The following ARAP3 variants were observed in gnomAD, a reference collection of about 807,000 sequenced individuals.
The protein encoded by ARAP3 is arf-GAP with Rho-GAP domain, ANK repeat and PH domain-containing protein 3.
In ARAP3, 82 loss-of-function variants were observed where a neutral mutation model predicts 169.2. That is an observed-to-expected ratio of 0.48 (90% CI 0.41 to 0.58). The LOEUF is 0.58. ARAP3 is among the 20% of genes least tolerant of loss of function. The probability of loss-of-function intolerance (pLI) is 0.00; values close to 1 mark genes in which losing one functional copy is unlikely to be tolerated. For missense variants in ARAP3, 1,764 were observed against 2,018.0 expected (o/e 0.87, Z 2.41); for synonymous variants, 791 against 800.3 (o/e 0.99, Z 0.20).
At chr5:141,655,564 C>T in intron 31 of ARAP3, 57 bp downstream of exon 31, 2 of 1,601,912 alleles carry the variant, frequency 1.2e-6, no homozygotes, top group Non-Finnish European at 1.7e-6. Flanking sequence ...CTGCCTACTG[C>T]AATGTGACAA....
Position 141,666,706 on chromosome 5 carries a change from A to G in ARAP3, c.2353-63T>C, listed in dbSNP as rs988368582. ...GGGGAAGAGACAAGGAATAGGGGAG[A>G]GAAATGAGAGTGACCGGGGTAGCGA... On this transcript the variant is annotated intron_variant, in intron 16 of 32. Coordinates refer to ENST00000239440, the MANE Select transcript of ARAP3 (RefSeq NM_022481.6). 3.7e-6 allele frequency: 3 copies of G among 814,496 alleles called. No individual in the cohort carries two copies. The African/African-American group carries it at 5.3e-5, about 14-fold the overall frequency. The allele number at this position is 814,496 out of a possible 1,614,324, so 50.5% of individuals were successfully genotyped here. A position where few individuals can be genotyped will look rare whatever the true frequency, so the allele number is the denominator to read the frequency against.
At chr5:141,662,359 T>C (rs1445006209) in intron 19 of ARAP3, 104 bp from the exon 20 acceptor site, 2 of 1,089,716 alleles carry the variant, frequency 1.8e-6, no homozygotes, top group African/African-American at 1.6e-5. Context: ...GATGGGGGCA[T>C]GGGATTCAGA....
In ARAP3 at chr5:141,669,941, G is replaced by A. The variant is rs753226702; in HGVS notation, c.2230C>T (p.Pro744Ser). ...DIVCLGVSPP[P>S]TDPGDRFPFS... ...TATTACCTGTCACCTGGGTCAGTGGGTGGGGGGCTCACACCCAGACATACA... is the reference window on the plus strand; with the variant it reads ...TATTACCTGTCACCTGGGTCAGTGGATGGGGGGCTCACACCCAGACATACA... The change falls in exon 15 of 33, where the codon CCC (proline) becomes TCC (serine). Residue 744 changes from proline (P) to serine (S), a missense_variant. Coordinates refer to ENST00000239440, the MANE Select transcript of ARAP3 (RefSeq NM_022481.6). The A allele has an allele frequency of 8.7e-6, 14 of 1,600,326 alleles. No homozygotes were observed. The Admixed American group carries it at 1.8e-4, about 20-fold the overall frequency.
chr5:141,677,544 T>C (rs1212369262), intron 4 of ARAP3, among the ~76,000 whole-genome samples: 1 of 152,154 alleles, frequency 6.6e-6, no homozygotes, highest in Non-Finnish European at 1.5e-5. Context: ...TCATCTCCAC[T>C]ACTATCACTA....
intron 4 of ARAP3, among the ~76,000 whole-genome samples, chr5:141,678,303 C>T (rs74873628): frequency 0.027 from 4,133 of 152,112 alleles, 73 homozygotes; most frequent in South Asian, 0.091. Context: ...TTCCTCCCAC[C>T]GTGGCTCACC....
At position 141,680,507 on chromosome 5, in the gene ARAP3, G is replaced by A. The variant is rs200794378; in HGVS notation, c.-17-4C>T. On this transcript the variant is annotated splice_region_variant and splice_polypyrimidine_tract_variant and intron_variant, in intron 1 of 32. Coordinates refer to ENST00000239440, the MANE Select transcript of ARAP3 (RefSeq NM_022481.6). ...GCCATGGGGGCTCAGGCCATTGCTG[G>A]GGGGAGGGGCAGGGTGAAGGGAGGG... 6.4e-7 allele frequency: 1 copy of A among 1,570,352 alleles called. No individual in the cohort carries two copies. The highest frequency in any genetic ancestry group is 8.6e-7 in the Non-Finnish European group (1 of 1,160,142).
Position 141,672,752 on chromosome 5 carries a change from T to C in ARAP3, c.1267A>G (p.Lys423Glu), listed in dbSNP as rs777172365. Residue 423 changes from lysine (K) to glutamate (E), a missense_variant, in exon 8 of 33, where the codon AAG (lysine) becomes GAG (glutamate). Physicochemically the swap from Lys to Glu is moderately conservative, Grantham distance 56 (BLOSUM62 1). Coordinates refer to ENST00000239440, the MANE Select transcript of ARAP3 (RefSeq NM_022481.6). This position sits in a 1 kb window ranked among gnomAD's most constrained non-coding sequence, Gnocchi z 4.9. ...CCGGCTCTCCTCACCTGCTCACTCTTGTACAGTGCCAGCTCTCCAGGGCTC... is the reference window on the plus strand; with the variant it reads ...CCGGCTCTCCTCACCTGCTCACTCTCGTACAGTGCCAGCTCTCCAGGGCTC... ...ALSPGELALYKSEQAFSLGIG... is the reference protein window; with the variant it reads ...ALSPGELALYESEQAFSLGIG... 1.2e-6 allele frequency: 2 copies of C among 1,614,066 alleles called. No individual in the cohort carries two copies. The highest frequency in any genetic ancestry group is 1.7e-6 in the Non-Finnish European group (2 of 1,180,004).
chr5:141,664,792 T>C (rs1034266591), intron 19 of ARAP3, 130 bp downstream of exon 19: 7 of 1,165,598 alleles, frequency 6.0e-6, no homozygotes, highest in Non-Finnish European at 7.2e-6. Context: ...GGGGTCCAGC[T>C]GCAGTTTCTG....
intron 32 of ARAP3, 123 bp downstream of exon 32, chr5:141,655,239 C>T: frequency 1.0e-6 from 1 of 1,001,790 alleles, no homozygotes; most frequent in Non-Finnish European, 1.5e-6. Flanking sequence ...CACACACACA[C>T]ACACACACAC....
In ARAP3 at chr5:141,665,338, T is replaced by A; in HGVS notation, c.2609A>T (p.Glu870Val). ...VSAADTPDKK[E>V]HLVLVETGRT... ...TCCTGTCTCCACCAGGACCAAATGC[T>A]CTTTCTTATCTGGGGTGTCAGCTGC... The change falls in exon 18 of 33, where the codon GAG becomes GTG. Residue 870 changes from glutamate to valine, a missense_variant. Physicochemically the swap from Glu to Val is moderately radical, Grantham distance 121 (BLOSUM62 -2). Around this residue, in one of 3 missense-constraint regions of ARAP3, gnomAD observed 1,112 missense variants for 1,285.7 expected, o/e 0.86. Transcript: ENST00000239440. 1.2e-6 allele frequency: 2 copies of A among 1,614,216 alleles called. No homozygotes were observed. The highest frequency in any genetic ancestry group is 1.7e-6 in the Non-Finnish European group (2 of 1,180,038).
chr5:141,670,688 TC>T, intron 13 of ARAP3, 60 bp from the exon 14 acceptor site: 1 of 1,433,582 alleles, frequency 7.0e-7, no homozygotes, highest in Non-Finnish European at 9.8e-7. Flanking sequence ...CCTGACCCCC[TC>T]TGGGGAAGGG....
intron 20 of ARAP3, 67 bp from the exon 21 acceptor site, chr5:141,661,856 A>T (rs1220340164): frequency 1.3e-6 from 2 of 1,556,790 alleles, no homozygotes; most frequent in African/African-American, 2.7e-5. Context: ...GTACAGAGGG[A>T]GGGATTTTTA....
chr5:141,659,647 AGGTAGTTCCT>A, intron 22 of ARAP3, 122 bp downstream of exon 22: 1 of 1,375,706 alleles, frequency 7.3e-7, no homozygotes, highest in East Asian at 2.4e-5. Flanking sequence ...GGGCTCTGGG[AGGTAGTTCCT>A]GGTATAGCTG....
intron 25 of ARAP3, 81 bp downstream of exon 25, chr5:141,658,284 T>G: frequency 1.4e-6 from 2 of 1,388,532 alleles, no homozygotes; most frequent in Non-Finnish European, 2.0e-6. Context: ...TTTGGTAACA[T>G]GAAGTCACTG....
intron 32 of ARAP3, 144 bp downstream of exon 32, chr5:141,655,214 CCCTG>C (rs2099909082): frequency 3.0e-5 from 19 of 644,036 alleles, no homozygotes; most frequent in East Asian, 2.1e-4. Context: ...CACACACACA[CCCTG>C]ATGGCCTACA....
At chr5:141,665,707 G>T (rs2099910536) in intron 17 of ARAP3, among the ~76,000 whole-genome samples, 1 of 151,982 alleles carries the variant, frequency 6.6e-6, no homozygotes, top group Non-Finnish European at 1.5e-5. Context: ...CCTCTCCCAG[G>T]ACCCAACCAG....
intron 17 of ARAP3, among the ~76,000 whole-genome samples, chr5:141,666,041 A>C (rs951840730): frequency 1.6e-5 from 2 of 123,404 alleles, no homozygotes; most frequent in African/African-American, 2.9e-5. Flanking sequence ...TCTGTCTCCA[A>C]AAAAAAAAAA....
Position 141,669,731 on chromosome 5 carries a change from G to A in ARAP3, c.2330C>T (p.Ala777Val). Reference protein sequence around the residue: ...FGTDGADSLEAWTSAVGKWFS... With the variant: ...FGTDGADSLEVWTSAVGKWFS... ...CACCTTGCCCACAGCACTAGTCCAG[G>A]CCTCCAGACTGTCAGCTCCATCTGT... is the stretch of plus-strand genomic sequence containing the variant. The change falls in exon 16 of 33, where the codon GCC (alanine) becomes GTC (valine). Residue 777 changes from alanine (A) to valine (V), a missense_variant. This residue lies in a region of ARAP3 where 1,112 missense variants were observed against 1,285.7 expected (regional missense o/e 0.86). Coordinates refer to ENST00000239440, the MANE Select transcript of ARAP3 (RefSeq NM_022481.6). 1 of 1,614,120 alleles carries A rather than the reference G, an allele frequency of 6.2e-7. No homozygotes were observed. Among genetic ancestry groups the A allele is most frequent in the Non-Finnish European group, 8.5e-7 (1 of 1,179,980 alleles).
chr5:141,682,027 C>T (rs2099913090), intron 1 of ARAP3, 146 bp downstream of exon 1: 1 of 151,230 alleles, frequency 6.6e-6, no homozygotes, highest in African/African-American at 2.4e-5. Flanking sequence ...GGGGCAGAGG[C>T]CGGGCAGCAG....
Sources: allele counts gnomAD v4.1 joint callset (sites outside exome capture counted in the v4.1 genomes callset), GRCh38; gene constraint gnomAD v4.1.1; regional missense constraint gnomAD v4.1.1; non-coding constraint Gnocchi (gnomAD v3.1); transcripts MANE v1.5; gene names NCBI Gene and HGNC (gene_info 2026-07-23, HGNC 2026-07-21).